ARHGAP15: variants seen among roughly 807,000 people sequenced by gnomAD.
The protein encoded by ARHGAP15 is Rho GTPase activating protein 15.
ARHGAP15 carries 51 observed loss-of-function variants against 63.7 expected under a neutral mutation model. The ratio of observed to expected loss-of-function variants is 0.80; its 90% CI spans 0.64 to 1.01. The LOEUF is 1.01. Ranked by LOEUF, ARHGAP15 falls within the 50% of genes least tolerant of loss-of-function variation. ARHGAP15 has a pLI of 0.00. For synonymous variants in ARHGAP15, 191 were observed against 193.8 expected, an observed-to-expected ratio of 0.99 and a Z score of 0.12; for missense variants, 560 against 564.6, an observed-to-expected ratio of 0.99 and a Z score of 0.08.
chr2:143,716,481 T>G (rs1462910947), intron 13 of ARHGAP15, among the ~76,000 whole-genome samples: 1 of 152,226 alleles, frequency 6.6e-6, no homozygotes, highest in Non-Finnish European at 1.5e-5. Flanking sequence ...TCCTATCAGG[T>G]CAACCCCAAC....
chr2:143,436,974 G>A lies in ARHGAP15; in HGVS notation c.635G>A (p.Ser212Asn). The change falls in exon 8 of 14, where the codon AGC (serine) becomes AAC (asparagine). Residue 212 changes from serine to asparagine, a missense_variant. Physicochemically the swap from Ser to Asn is conservative, Grantham distance 46. Coordinates refer to ENST00000295095, the MANE Select transcript of ARHGAP15 (RefSeq NM_018460.4). ...LELFKIQRSS[S>N]TELLSHYDSD... ...TTATTCAAAATCCAAAGATCCTCTA[G>A]CACTGAATTGCTAAGTCACTACGAC... 6.2e-7 allele frequency: 1 copy of A among 1,611,392 alleles called. No individual in the cohort carries two copies. Among genetic ancestry groups the A allele is most frequent in the Admixed American group, 1.7e-5 (1 of 59,466 alleles).
At chr2:143,439,660 T>C (rs1183322549) in intron 8 of ARHGAP15, among the ~76,000 whole-genome samples, 1 of 151,898 alleles carries the variant, frequency 6.6e-6, no homozygotes, top group Non-Finnish European at 1.5e-5. Flanking sequence ...TACCTTATTT[T>C]ATAGAGGAGA....
chr2:143,341,396 T>C (rs926318415), intron 6 of ARHGAP15, among the ~76,000 whole-genome samples: 5 of 152,142 alleles, frequency 3.3e-5, no homozygotes, highest in Admixed American at 3.3e-4. Flanking sequence ...AGCTAACAGA[T>C]TCCTCAGAAG....
rs180734376 is a variant in ARHGAP15 at position 143,288,807 on chromosome 2, A to G, written c.474+38207A>G. Among the ~76,000 whole-genome samples the G allele has an allele frequency of 3.5e-3, 528 of 151,950 alleles. 5 individuals are homozygous for G. Among genetic ancestry groups the G allele is most frequent in the African/African-American group, 0.012 (498 of 41,468 alleles). On this transcript the variant is annotated intron_variant, in intron 6 of 13. Coordinates refer to ENST00000295095, the MANE Select transcript of ARHGAP15 (RefSeq NM_018460.4). ...TTGCTGCTGCCTTTGTTCTCGGGGG[A>G]ATACATATTTCACCCAGTAGCAAGA...
chr2:143,719,830 G>T (rs1024198807), intron 13 of ARHGAP15, among the ~76,000 whole-genome samples: 9 of 152,126 alleles, frequency 5.9e-5, no homozygotes, highest in Non-Finnish European at 1.0e-4. Flanking sequence ...TCCTGGAGTG[G>T]CAAGCTCTTA....
At chr2:143,660,656 A>G (rs962303424) in intron 12 of ARHGAP15, among the ~76,000 whole-genome samples, 2 of 152,204 alleles carry the variant, frequency 1.3e-5, no homozygotes, top group African/African-American at 4.8e-5. Flanking sequence ...GGTCATCTTG[A>G]TTTGAGTACC....
chr2:143,250,661 T>C (rs1680111321), intron 6 of ARHGAP15, 61 bp downstream of exon 6: 4 of 1,390,776 alleles, frequency 2.9e-6, no homozygotes, highest in Non-Finnish European at 4.0e-6. Context: ...CTCTCTTGGG[T>C]AACTAAAATA....
At chr2:143,649,427 ATT>A (rs1218205097) in intron 12 of ARHGAP15, among the ~76,000 whole-genome samples, 2 of 151,990 alleles carry the variant, frequency 1.3e-5, no homozygotes. Flanking sequence ...GAATTTTCAC[ATT>A]GTCAGCACTT....
Position 143,384,565 on chromosome 2 carries a change from T to TA in ARHGAP15, c.475-51021dup, listed in dbSNP as rs11309282. Among the ~76,000 whole-genome samples, 773 of 149,348 alleles carry TA rather than the reference T, an allele frequency of 5.2e-3. 4 individuals are homozygous for TA. The highest frequency in any genetic ancestry group is 9.8e-3 in the South Asian group (46 of 4,688). ...CAAAAAGGCCTATGTGTTTTAGAGT[T>TA]AAAAAAAAAAAAAAATGTTGCTAAG... On this transcript the variant is annotated intron_variant, in intron 6 of 13. Transcript: ENST00000295095.
At chr2:143,680,012 G>A (rs1157213587) in intron 12 of ARHGAP15, among the ~76,000 whole-genome samples, 7 of 100,936 alleles carry the variant, frequency 6.9e-5, no homozygotes, top group Non-Finnish European at 1.2e-4. Flanking sequence ...TGGTCCATAA[G>A]TAAATGATTA....
chr2:143,234,602 T>A (rs1050501568), intron 5 of ARHGAP15, among the ~76,000 whole-genome samples: 1 of 152,196 alleles, frequency 6.6e-6, no homozygotes, highest in Non-Finnish European at 1.5e-5. Context: ...GGGACAAGAT[T>A]GTGCTTCAGT....
intron 3 of ARHGAP15, among the ~76,000 whole-genome samples, chr2:143,205,593 T>G (rs190228523): frequency 6.6e-6 from 1 of 152,236 alleles, no homozygotes; most frequent in African/African-American, 2.4e-5. Context: ...AGGTCTATGC[T>G]TGTAACCTTT....
At chr2:143,166,375 G>T (rs1267810740) in intron 2 of ARHGAP15, among the ~76,000 whole-genome samples, 1 of 152,142 alleles carries the variant, frequency 6.6e-6, no homozygotes, top group African/African-American at 2.4e-5. Flanking sequence ...GGAAATAGGA[G>T]AACACGTTTC....
chr2:143,766,326 G>A (rs1163476445), intron 13 of ARHGAP15, among the ~76,000 whole-genome samples: 2 of 152,146 alleles, frequency 1.3e-5, no homozygotes, highest in East Asian at 3.8e-4. Context: ...TCCTCCCTTT[G>A]TCCAGAGTCT....
At chr2:143,753,048 G>A (rs1024084051) in intron 13 of ARHGAP15, among the ~76,000 whole-genome samples, 2 of 152,206 alleles carry the variant, frequency 1.3e-5, no homozygotes, top group Admixed American at 6.5e-5. Context: ...AGCAGGTCGA[G>A]GCGGGAAGAT....
Position 143,556,502 on chromosome 2 carries a change from TC to T in ARHGAP15, c.1003+18del, listed in dbSNP as rs1695806171. 6.2e-7 allele frequency: 1 copy of T among 1,601,414 alleles called. No individual in the cohort carries two copies. The highest frequency in any genetic ancestry group is 1.1e-5 in the South Asian group (1 of 90,590). ...TCAACCAAGGTAAGTGATTTCCACTTCAGAGATTTTTTCAAACAGTTTCATA... is the reference window on the plus strand; with the variant it reads ...TCAACCAAGGTAAGTGATTTCCACTTAGAGATTTTTTCAAACAGTTTCATA... On this transcript the variant is annotated intron_variant, in intron 11 of 13. Transcript: ENST00000295095.
chr2:143,724,079 G>A (rs113587627), intron 13 of ARHGAP15, among the ~76,000 whole-genome samples: 1 of 148,998 alleles, frequency 6.7e-6, no homozygotes. Context: ...GTGTGTATGT[G>A]TGTGATCTAA....
At chr2:143,381,659 A>G (rs946310600) in intron 6 of ARHGAP15, among the ~76,000 whole-genome samples, 1 of 152,146 alleles carries the variant, frequency 6.6e-6, no homozygotes, top group Non-Finnish European at 1.5e-5. Context: ...GTGTTTACAC[A>G]GTGATTTACA....
At chr2:143,497,937 G>A (rs1692890600) in intron 9 of ARHGAP15, among the ~76,000 whole-genome samples, 1 of 152,124 alleles carries the variant, frequency 6.6e-6, no homozygotes, top group Admixed American at 6.6e-5. Context: ...ACATGTCAGA[G>A]CTCTCATAAC....
Sources: gnomAD v4.1 joint callset for allele counts (sites outside exome capture counted in the v4.1 genomes callset) on GRCh38, gnomAD v4.1.1 for gene constraint, MANE v1.5 for transcripts, NCBI Gene and HGNC (gene_info 2026-07-23, HGNC 2026-07-21) for gene names.